The following INPP5D variants were observed in gnomAD, a reference collection of about 807,000 sequenced individuals.
INPP5D encodes the protein inositol polyphosphate-5-phosphatase D.
In INPP5D, 33 loss-of-function variants were observed where a neutral mutation model predicts 122.9. The ratio of observed to expected loss-of-function variants is 0.27; its 90% confidence interval spans 0.20 to 0.36. The LOEUF (loss-of-function observed/expected upper bound fraction) is 0.36. Ranked by LOEUF, INPP5D falls within the 10% of genes least tolerant of loss-of-function variation. The pLI is 1.00. For missense variants in INPP5D, 1,053 were observed against 1,412.7 expected, an observed-to-expected ratio of 0.75 and a Z score of 4.08; for synonymous variants, 584 against 576.2, an observed-to-expected ratio of 1.01 and a Z score of -0.19.
chr2:233,103,489 T>G (rs1692374785), intron 2 of INPP5D, among the ~76,000 whole-genome samples: 1 of 152,078 alleles, frequency 6.6e-6, no homozygotes, highest in East Asian at 1.9e-4. Context: ...GCTTGCCTCA[T>G]GTCAAAGGCA....
intron 7 of INPP5D, 47 bp downstream of exon 7, chr2:233,146,289 C>T: frequency 1.4e-6 from 1 of 704,274 alleles, no homozygotes; most frequent in Non-Finnish European, 2.6e-6. Flanking sequence ...TCTTTGGTCC[C>T]CTCTTTGCAT....
At position 233,169,360 on chromosome 2, in the gene INPP5D, C is replaced by T. The variant is rs566718792; in HGVS notation, c.1611C>T (p.Phe537=). 6.9e-5 allele frequency: 111 copies of T among 1,604,528 alleles called. No homozygotes were observed. The African/African-American group carries it at 8.9e-4, about 13-fold the overall frequency. The part of the protein sequence containing the change: ...SFMFNGTSLG[F]VNSHLTSGSE... Reference sequence around the variant, plus strand: ...TGTTCAATGGAACCTCCTTAGGGTTCGTCAACAGCCACTTGACTTCAGGAA... The same window carrying T: ...TGTTCAATGGAACCTCCTTAGGGTTTGTCAACAGCCACTTGACTTCAGGAA... Residue 537 remains phenylalanine, a synonymous_variant, in exon 14 of 27, where the codon TTC becomes TTT. Coordinates refer to ENST00000445964, the MANE Select transcript of INPP5D (RefSeq NM_001017915.3).
intron 24 of INPP5D, among the ~76,000 whole-genome samples, chr2:233,196,429 G>A (rs561594778): frequency 6.6e-5 from 10 of 152,232 alleles, no homozygotes; most frequent in East Asian, 5.8e-4. Context: ...AGGAACTTGC[G>A]GCCTAGTGCA....
chr2:233,140,000 G>A (rs2106273276), intron 6 of INPP5D, 71 bp downstream of exon 6: 5 of 395,392 alleles, frequency 1.3e-5, no homozygotes, highest in Non-Finnish European at 2.2e-5. Context: ...CCAGTCCTGA[G>A]GGCTCAGGAG....
chr2:233,169,784 T>A, intron 14 of INPP5D: 1 of 645,822 alleles, frequency 1.5e-6, no homozygotes, highest in East Asian at 2.9e-5. Flanking sequence ...GCTGAGCAGA[T>A]GCTGCTGCTC....
At chr2:233,144,234 T>C (rs1444985371) in intron 6 of INPP5D, among the ~76,000 whole-genome samples, 1 of 150,164 alleles carries the variant, frequency 6.7e-6, no homozygotes, top group Non-Finnish European at 1.5e-5. Context: ...GTGATGGTGA[T>C]GGTGATGGTG....
intron 1 of INPP5D, among the ~76,000 whole-genome samples, chr2:233,067,586 G>A (rs1016916074): frequency 2.6e-5 from 4 of 152,198 alleles, no homozygotes; most frequent in Non-Finnish European, 5.9e-5. Flanking sequence ...GGTCATTTAA[G>A]TCTAACACTT....
intron 23 of INPP5D, among the ~76,000 whole-genome samples, chr2:233,194,515 T>G (rs1300601146): frequency 9.2e-4 from 72 of 78,348 alleles, no homozygotes; most frequent in Non-Finnish European, 1.1e-3. Flanking sequence ...TTTTTTTTTT[T>G]GGGACAGAGT....
intron 9 of INPP5D, among the ~76,000 whole-genome samples, chr2:233,155,711 CAGTA>C (rs1477974614): frequency 4.6e-5 from 7 of 151,820 alleles, no homozygotes; most frequent in South Asian, 2.1e-4. Context: ...TAATAAGTGT[CAGTA>C]AGAGAAAACA....
chr2:233,116,527 A>G (rs116572811), intron 2 of INPP5D, among the ~76,000 whole-genome samples: 15,331 of 152,052 alleles, frequency 0.1, 913 homozygotes, highest in Middle Eastern at 0.15. Context: ...GGCTTAAGCA[A>G]TCTGCCCACC....
At chr2:233,130,717 C>T (rs757306466) in intron 5 of INPP5D, 69 bp downstream of exon 5, 24 of 1,515,016 alleles carry the variant, frequency 1.6e-5, no homozygotes, top group Admixed American at 3.4e-5. Context: ...CTCATGAGAG[C>T]GACCTCTGCC....
rs568936277 is a variant in INPP5D, at chr2:233,154,037, G to A, written c.1031-4276G>A. Among the ~76,000 whole-genome samples, 5 of 152,346 alleles carry A rather than the reference G, an allele frequency of 3.3e-5. No homozygotes were observed. The South Asian group carries it at 6.2e-4, about 19-fold the overall frequency. On this transcript the variant is annotated intron_variant, in intron 9 of 26. Transcript: ENST00000445964. The stretch of plus-strand genomic sequence containing the variant: ...ACCACCCTGCGGAGAAGCCCTGCTC[G>A]ACAGACCCCACCTCACTGTTGGACA...
rs1012052762 is a variant in INPP5D, at chr2:233,143,591, T to C, written c.754-2571T>C. Among the ~76,000 whole-genome samples, 64 of 152,352 alleles carry C rather than the reference T, an allele frequency of 4.2e-4. No homozygotes were observed. In the East Asian group the frequency reaches 0.012, roughly 28 times the overall value. ...TTCCCTGAGTCTTAGCACCACCTCTTCAAGCCACTTTCCTGATTGACAATA... is the reference window on the plus strand; with the variant it reads ...TTCCCTGAGTCTTAGCACCACCTCTCCAAGCCACTTTCCTGATTGACAATA... On this transcript the variant is annotated intron_variant, in intron 6 of 26. Coordinates refer to ENST00000445964, the MANE Select transcript of INPP5D (RefSeq NM_001017915.3).
intron 6 of INPP5D, chr2:233,145,929 G>A (rs763602422): frequency 1.5e-6 from 1 of 671,634 alleles, no homozygotes; most frequent in South Asian, 1.5e-5. Context: ...AAGCACCGGG[G>A]GAGAGGCAGA....
chr2:233,122,193 C>A lies in INPP5D; in HGVS notation c.285C>A (p.Thr95=), dbSNP rs1453806461. 1.5e-5 allele frequency: 25 copies of A among 1,613,782 alleles called. No individual in the cohort carries two copies. The highest frequency in any genetic ancestry group is 1.9e-5 in the Non-Finnish European group (22 of 1,179,874). The change falls in exon 3 of 27, where the codon ACC becomes ACA. Residue 95 remains threonine, a synonymous_variant. Coordinates refer to ENST00000445964, the MANE Select transcript of INPP5D (RefSeq NM_001017915.3). ...FYKKENMGLV[T]HLQYPVPLEE... is the part of the protein sequence containing the mutation. ...AGAAGGAAAACATGGGGCTGGTGACCCATCTGCAATACCCTGTGCCGCTGG... is the reference window on the plus strand; with the variant it reads ...AGAAGGAAAACATGGGGCTGGTGACACATCTGCAATACCCTGTGCCGCTGG...
intron 11 of INPP5D, among the ~76,000 whole-genome samples, chr2:233,163,229 C>T (rs368249062): frequency 2.0e-5 from 3 of 152,312 alleles, no homozygotes; most frequent in African/African-American, 4.8e-5. Flanking sequence ...GGAGTTTCCA[C>T]ACTCTCCCGT....
rs553679861 is a variant in INPP5D at position 233,189,545 on chromosome 2, C to T, written c.2359-305C>T. Among the ~76,000 whole-genome samples, 6 of 152,210 alleles carry T rather than the reference C, an allele frequency of 3.9e-5. No homozygotes were observed. The highest frequency in any genetic ancestry group is 4.1e-4 in the South Asian group (2 of 4,826). On this transcript the variant is annotated intron_variant, in intron 21 of 26. Coordinates refer to ENST00000445964, the MANE Select transcript of INPP5D (RefSeq NM_001017915.3). The surrounding 1 kb of genome is among the most constrained non-coding windows in gnomAD (Gnocchi z 5.6). ...ACCCTGGCCTAGGGATGGGAAGGAACGGGGGCAATGGATGGGGCCCATCTG... is the reference window on the plus strand; with the variant it reads ...ACCCTGGCCTAGGGATGGGAAGGAATGGGGGCAATGGATGGGGCCCATCTG...
chr2:233,171,887 G>T (rs1235689609), intron 17 of INPP5D, among the ~76,000 whole-genome samples: 1 of 152,230 alleles, frequency 6.6e-6, no homozygotes, highest in African/African-American at 2.4e-5. Context: ...GGCTGGGACG[G>T]TGAGGTACCC....
Position 233,188,489 on chromosome 2 carries a change from G to A in INPP5D, c.2359-1361G>A, listed in dbSNP as rs188786764. The stretch of plus-strand genomic sequence containing the variant: ...TAGAGCCTGACATCACCTCATGCCA[G>A]GAGCCAAGTGATAATTGGTGCAGCT... On this transcript the variant is annotated intron_variant, in intron 21 of 26. Coordinates refer to ENST00000445964, the MANE Select transcript of INPP5D (RefSeq NM_001017915.3). The surrounding 1 kb of genome is among the most constrained non-coding windows in gnomAD (Gnocchi z 4.7). Among the ~76,000 whole-genome samples, 13 of 152,286 alleles carry A rather than the reference G, an allele frequency of 8.5e-5. No individual in the cohort carries two copies. The East Asian group carries it at 1.7e-3, about 20-fold the overall frequency.
Sources: gnomAD v4.1 joint callset for allele counts (sites outside exome capture counted in the v4.1 genomes callset) on GRCh38, gnomAD v4.1.1 for gene constraint, Gnocchi (gnomAD v3.1) non-coding constraint, MANE v1.5 for transcripts, NCBI Gene and HGNC (gene_info 2026-07-23, HGNC 2026-07-21) for gene names.